DNA2: variants seen among roughly 807,000 people sequenced by gnomAD.
DNA2 encodes the protein DNA replication helicase/nuclease 2.
DNA2 carries 101 observed loss-of-function variants against 119.1 expected under a neutral mutation model. That is an observed-to-expected ratio of 0.85 (90% CI 0.72 to 1.00). The LOEUF is 1.00. Among genes scored for constraint, DNA2 ranks in the 50% least tolerant of loss-of-function variants. The probability of loss-of-function intolerance (pLI) is 0.00; values close to 1 mark genes in which losing one functional copy is unlikely to be tolerated. For missense variants in DNA2, 1,121 were observed against 1,255.5 expected, an observed-to-expected ratio of 0.89 and a Z score of 1.62; for synonymous variants, 366 against 424.4, an observed-to-expected ratio of 0.86 and a Z score of 1.69.
In DNA2 at chr10:68,419,210, C is replaced by T; in HGVS notation, c.2791G>A (p.Gly931Arg). ...VFLTSIFVKA[G>R]CSPSDIGIIA... ...ATACCAATATCAGAGGGACTGCATC[C>T]AGCCTAAATAGAAAAAGACACAATT... Residue 931 changes from glycine (G) to arginine (R), a missense_variant, in exon 19 of 21, where the codon GGA becomes AGA. Coordinates refer to ENST00000358410, the MANE Select transcript of DNA2 (RefSeq NM_001080449.3). The T allele has an allele frequency of 6.4e-7, 1 of 1,550,454 alleles. No homozygotes were observed. Among genetic ancestry groups the T allele is most frequent in the South Asian group, 1.2e-5 (1 of 81,336 alleles).
intron 14 of DNA2, 115 bp downstream of exon 14, chr10:68,430,321 A>C: frequency 1.4e-6 from 1 of 725,028 alleles, no homozygotes; most frequent in Non-Finnish European, 2.3e-6. Flanking sequence ...AGTACATATA[A>C]ATTAATCATG....
chr10:68,472,496 A>C (rs2052394991), upstream of DNA2, among the ~76,000 whole-genome samples: 1 of 152,178 alleles, frequency 6.6e-6, no homozygotes, highest in African/African-American at 2.4e-5. Flanking sequence ...GCACTTCGGA[A>C]GGCTGAGGCG....
chr10:68,437,159 A>C lies in DNA2; in HGVS notation c.1498T>G (p.Phe500Val). The change falls in exon 10 of 21, where the codon TTC becomes GTC. Residue 500 changes from phenylalanine to valine, a missense_variant. Phe to Val is a conservative substitution (Grantham distance 50). Transcript: ENST00000358410. The part of the protein sequence containing the change: ...IVCDGQYLHN[F>V]QCKHGAIPVT... ...GGTATGGCACCATGTTTACATTGGA[A>C]ATTATGTAAATATTGCCCATCACAA... 6.2e-7 allele frequency: 1 copy of C among 1,613,922 alleles called. No homozygotes were observed. Among genetic ancestry groups the C allele is most frequent in the Non-Finnish European group, 8.5e-7 (1 of 1,179,852 alleles).
chr10:68,422,025 A>C (rs944271996), intron 17 of DNA2, among the ~76,000 whole-genome samples, 200 bp downstream of exon 17: 1 of 151,990 alleles, frequency 6.6e-6, no homozygotes, highest in Non-Finnish European at 1.5e-5. Context: ...ATGTTGGCCA[A>C]GCTGGTCTTG....
At chr10:68,440,529 C>A (rs1590060492) in intron 9 of DNA2, among the ~76,000 whole-genome samples, 1 of 151,850 alleles carries the variant, frequency 6.6e-6, no homozygotes, top group Non-Finnish European at 1.5e-5. Flanking sequence ...AATATCCTGA[C>A]CTCGTGATCC....
At chr10:68,422,655 A>C in intron 15 of DNA2, 42 bp downstream of exon 15, 1 of 1,613,422 alleles carries the variant, frequency 6.2e-7, no homozygotes, top group Admixed American at 1.7e-5. Context: ...CTGTTCCTTG[A>C]AAATAATCTA....
chr10:68,469,390 CAAAAA>C (rs71019005), intron 2 of DNA2, among the ~76,000 whole-genome samples: 93 of 76,036 alleles, frequency 1.2e-3, no homozygotes, highest in African/African-American at 3.1e-3. Flanking sequence ...ACTAAAAATA[CAAAAA>C]AAAAAAAAAA....
intron 4 of DNA2, among the ~76,000 whole-genome samples, chr10:68,461,737 A>G (rs1475678813): frequency 6.6e-6 from 1 of 151,258 alleles, no homozygotes; most frequent in Non-Finnish European, 1.5e-5. Flanking sequence ...CTGAGGCAAG[A>G]TAATTGCTTG....
Position 68,446,155 on chromosome 10 carries a change from A to C in DNA2, c.1057+141T>G, listed in dbSNP as rs1476595712. 4.3e-5 allele frequency: 25 copies of C among 587,124 alleles called. No individual in the cohort carries two copies. In the South Asian group the frequency reaches 4.7e-4, roughly 11 times the overall value. 36.4% of individuals were successfully genotyped at this position (587,124 alleles called of 1,614,324 possible). Reference sequence around the variant, plus strand: ...CGAAAACAAAAACACACACATAAAAAACAACAACAAAAAAAACCCACAGCT... The same window carrying C: ...CGAAAACAAAAACACACACATAAAACACAACAACAAAAAAAACCCACAGCT... On this transcript the variant is annotated intron_variant, in intron 7 of 20. Coordinates refer to ENST00000358410, the MANE Select transcript of DNA2 (RefSeq NM_001080449.3).
intron 5 of DNA2, among the ~76,000 whole-genome samples, chr10:68,454,558 C>A (rs2052159636): frequency 6.6e-6 from 1 of 152,220 alleles, no homozygotes; most frequent in East Asian, 1.9e-4. Flanking sequence ...GTAATCCCAG[C>A]ACTTTGGGAG....
intron 2 of DNA2, among the ~76,000 whole-genome samples, 152 bp from the exon 3 acceptor site, chr10:68,468,458 TAGC>T (rs2052351469): frequency 6.6e-6 from 1 of 151,884 alleles, no homozygotes; most frequent in Admixed American, 6.6e-5. Flanking sequence ...AAAAATCAAA[TAGC>T]AGGATACAGT....
intron 14 of DNA2, chr10:68,425,083 CATTTCTTTTT>C: frequency 4.0e-6 from 1 of 247,094 alleles, no homozygotes; most frequent in Non-Finnish European, 7.7e-6. Flanking sequence ...GTCTCTGGAA[CATTTCTTTTT>C]TTTTTTTTTT....
chr10:68,463,393 G>A (rs1360833536), intron 4 of DNA2, among the ~76,000 whole-genome samples: 7 of 133,412 alleles, frequency 5.2e-5, no homozygotes, highest in Non-Finnish European at 1.1e-4. Context: ...GCAGTGAGCC[G>A]AGATTGTGCC....
intron 4 of DNA2, among the ~76,000 whole-genome samples, chr10:68,462,103 G>C (rs1188624531): frequency 6.6e-6 from 1 of 152,168 alleles, no homozygotes; most frequent in Non-Finnish European, 1.5e-5. Context: ...AGGTGCAGTG[G>C]CTCATACCTA....
In DNA2 at chr10:68,471,840, G is replaced by T; in HGVS notation, c.25C>A (p.Leu9Met). The change falls in exon 1 of 21, where the codon CTG becomes ATG. Residue 9 changes from leucine (L) to methionine (M), a missense_variant. Transcript: ENST00000358410. ...TCCCAAAAACTCTTCTCCATCAGCA[G>T]CTCCAGTTCGTTCAGCTGCTCCATC... The part of the protein sequence containing the change: MEQLNELE[L>M]LMEKSFWEEA... 6.2e-7 allele frequency: 1 copy of T among 1,613,730 alleles called. No individual in the cohort carries two copies. The highest frequency in any genetic ancestry group is 8.5e-7 in the Non-Finnish European group (1 of 1,179,766).
intron 5 of DNA2, among the ~76,000 whole-genome samples, chr10:68,454,551 A>T (rs2052159608): frequency 6.6e-6 from 1 of 152,156 alleles, no homozygotes. Flanking sequence ...CACACCTGTA[A>T]TCCCAGCACT....
intron 6 of DNA2, among the ~76,000 whole-genome samples, chr10:68,448,307 C>A (rs1465032152): frequency 6.6e-6 from 1 of 152,122 alleles, no homozygotes; most frequent in Non-Finnish European, 1.5e-5. Context: ...TCATGAAATT[C>A]TTCGGAGAAA....
At chr10:68,445,104 G>A in intron 7 of DNA2, 21 bp from the exon 8 acceptor site, 1 of 1,562,350 alleles carries the variant, frequency 6.4e-7, no homozygotes, top group Non-Finnish European at 8.7e-7. Context: ...AAAGGTGAAT[G>A]TCTTTTTAAG....
chr10:68,415,818 T>G (rs2051581476), intron 20 of DNA2, among the ~76,000 whole-genome samples: 1 of 152,054 alleles, frequency 6.6e-6, no homozygotes. Context: ...CATGCCCAGC[T>G]AATTTTTGTA....
Sources: allele counts gnomAD v4.1 joint callset (sites outside exome capture counted in the v4.1 genomes callset), GRCh38; gene constraint gnomAD v4.1.1; transcripts MANE v1.5; gene names NCBI Gene and HGNC (gene_info 2026-07-23, HGNC 2026-07-21).